CNTLN: variants seen among roughly 807,000 people sequenced by gnomAD.
The protein encoded by CNTLN is centlein, centrosomal protein.
In CNTLN, 212 loss-of-function variants were observed where a neutral mutation model predicts 180.0. That is an observed-to-expected ratio of 1.18 (90% confidence interval 1.05 to 1.32). The LOEUF (loss-of-function observed/expected upper bound fraction) is 1.32. CNTLN is among the 40% of genes most tolerant of loss of function. CNTLN has a pLI of 0.00. For synonymous variants in CNTLN, 722 were observed against 563.1 expected (o/e 1.28, Z -3.99); for missense variants, 2,095 against 1,610.9 (o/e 1.30, Z -5.14).
the CNTLN span, among the ~76,000 whole-genome samples, chr9:17,514,756 C>T: frequency 4.6e-5 from 7 of 152,344 alleles, no homozygotes; most frequent in East Asian, 1.4e-3. Flanking sequence ...TTAATGCTTA[C>T]TGTGGCATGC....
intron 18 of CNTLN, among the ~76,000 whole-genome samples, chr9:17,449,617 G>T (rs1391347591): frequency 6.6e-6 from 1 of 151,904 alleles, no homozygotes; most frequent in Non-Finnish European, 1.5e-5. Context: ...TATTTTTCCC[G>T]TGAATACTTG....
chr9:17,440,338 C>G (rs1274370315), intron 18 of CNTLN, among the ~76,000 whole-genome samples: 1 of 151,294 alleles, frequency 6.6e-6, no homozygotes, highest in Non-Finnish European at 1.5e-5. Flanking sequence ...CTTTGGGAGG[C>G]CGAGGCGGGT....
At chr9:17,489,661 G>T (rs918174975) in intron 25 of CNTLN, among the ~76,000 whole-genome samples, 2 of 151,876 alleles carry the variant, frequency 1.3e-5, no homozygotes, top group East Asian at 3.9e-4. Flanking sequence ...GTGGTAATGT[G>T]GAACTAATAA....
intron 6 of CNTLN, among the ~76,000 whole-genome samples, chr9:17,281,114 A>G (rs1828633554): frequency 6.6e-6 from 1 of 152,214 alleles, no homozygotes; most frequent in Non-Finnish European, 1.5e-5. Context: ...TCACAGCGGC[A>G]TAATGGCTTA....
intron 10 of CNTLN, among the ~76,000 whole-genome samples, chr9:17,334,482 T>A (rs1261478051): frequency 6.6e-6 from 1 of 152,076 alleles, no homozygotes; most frequent in Non-Finnish European, 1.5e-5. Flanking sequence ...TAATTCCTTA[T>A]AGTAAATTAG....
At chr9:17,337,245 T>C (rs1316425038) in intron 10 of CNTLN, among the ~76,000 whole-genome samples, 2 of 152,156 alleles carry the variant, frequency 1.3e-5, no homozygotes, top group African/African-American at 4.8e-5. Context: ...AAAAATTTTT[T>C]CCATTCTGTA....
chr9:17,528,495 C>G, the CNTLN span, among the ~76,000 whole-genome samples: 1 of 152,222 alleles, frequency 6.6e-6, no homozygotes, highest in Non-Finnish European at 1.5e-5. Context: ...GTCTGAGAAA[C>G]TGTCCCACCC....
At chr9:17,330,864 G>A in intron 9 of CNTLN, 56 bp downstream of exon 9, 1 of 1,486,916 alleles carries the variant, frequency 6.7e-7, no homozygotes, top group Non-Finnish European at 9.1e-7. Flanking sequence ...AAAGACAAGA[G>A]ATGAAGTTAA....
chr9:17,309,487 T>A (rs1209332099), intron 8 of CNTLN, among the ~76,000 whole-genome samples: 1 of 152,108 alleles, frequency 6.6e-6, no homozygotes, highest in Non-Finnish European at 1.5e-5. Context: ...ATAGTTATCG[T>A]GATGAAACAT....
chr9:17,149,636 G>A (rs1818714222), intron 2 of CNTLN, among the ~76,000 whole-genome samples: 1 of 148,626 alleles, frequency 6.7e-6, no homozygotes, highest in Admixed American at 6.8e-5. Context: ...TCCTGCCTCA[G>A]CCCCCCAAGT....
At chr9:17,413,343 T>G (rs1403005243) in intron 16 of CNTLN, among the ~76,000 whole-genome samples, 1 of 152,140 alleles carries the variant, frequency 6.6e-6, no homozygotes, top group African/African-American at 2.4e-5. Flanking sequence ...TCTTGAAGTC[T>G]TAGAGCTGAG....
intron 23 of CNTLN, among the ~76,000 whole-genome samples, chr9:17,482,974 G>A (rs1832724220): frequency 6.6e-6 from 1 of 152,040 alleles, no homozygotes; most frequent in Admixed American, 6.6e-5. Context: ...TGTGGAGAAT[G>A]CTTTTTAAAG....
the CNTLN span, among the ~76,000 whole-genome samples, chr9:17,510,133 C>T: frequency 6.6e-6 from 1 of 152,074 alleles, no homozygotes; most frequent in African/African-American, 2.4e-5. Context: ...TCATTCAGGA[C>T]TGCTAATGGC....
At chr9:17,446,287 C>G (rs530535099) in intron 18 of CNTLN, among the ~76,000 whole-genome samples, 1 of 152,124 alleles carries the variant, frequency 6.6e-6, no homozygotes, top group Non-Finnish European at 1.5e-5. Flanking sequence ...TTCCACCTTA[C>G]GAGAAACACC....
intron 22 of CNTLN, 61 bp from the exon 23 acceptor site, chr9:17,466,645 C>A: frequency 7.3e-7 from 1 of 1,372,232 alleles, no homozygotes; most frequent in Non-Finnish European, 1.0e-6. Flanking sequence ...ACATGTATAA[C>A]TAACTCTTCC....
At chr9:17,199,330 G>T (rs1822362769) in intron 2 of CNTLN, among the ~76,000 whole-genome samples, 1 of 147,780 alleles carries the variant, frequency 6.8e-6, no homozygotes, top group African/African-American at 2.5e-5. Context: ...TCCTGCCTCA[G>T]CCTCCTGAGT....
At chr9:17,280,162 A>G (rs1318859828) in intron 6 of CNTLN, among the ~76,000 whole-genome samples, 1 of 152,206 alleles carries the variant, frequency 6.6e-6, no homozygotes, top group Non-Finnish European at 1.5e-5. Flanking sequence ...AACAATCACT[A>G]GTAACTGAAA....
chr9:17,405,419 A>G lies in CNTLN; in HGVS notation c.2616-3874A>G, dbSNP rs1315143285. On this transcript the variant is annotated intron_variant, in intron 15 of 25. Coordinates refer to ENST00000380647, the MANE Select transcript of CNTLN (RefSeq NM_017738.4). The stretch of plus-strand genomic sequence containing the variant: ...GGAAGTCCCAGGTTGAGAGCGCCAC[A>G]TTTGATGAGGGTCTTCTGGCTGTGT... Among the ~76,000 whole-genome samples, 5 of 151,766 alleles carry G rather than the reference A, an allele frequency of 3.3e-5. No homozygotes were observed. In the South Asian group the frequency reaches 6.2e-4, roughly 19 times the overall value.
At chr9:17,155,631 A>T (rs1404394501) in intron 2 of CNTLN, among the ~76,000 whole-genome samples, 2 of 152,112 alleles carry the variant, frequency 1.3e-5, no homozygotes, top group African/African-American at 4.8e-5. Flanking sequence ...TGACTGTCCC[A>T]GGTGGATCTC....
Sources: allele counts gnomAD v4.1 joint callset (sites outside exome capture counted in the v4.1 genomes callset), GRCh38; gene constraint gnomAD v4.1.1; transcripts MANE v1.5; gene names NCBI Gene and HGNC (gene_info 2026-07-23, HGNC 2026-07-21).